TBCK: variants seen among roughly 807,000 people sequenced by gnomAD.
TBCK encodes the protein TBC domain-containing protein kinase-like protein.
TBCK carries 99 observed loss-of-function variants against 113.4 expected under a neutral mutation model. The observed-to-expected ratio is 0.87, with a 90% confidence interval of 0.74 to 1.03. TBCK has a LOEUF of 1.03. Ranked by LOEUF, TBCK falls within the 50% of genes least tolerant of loss-of-function variation. TBCK has a pLI of 0.00. For synonymous variants in TBCK, 369 were observed against 370.8 expected (o/e 1.00, Z 0.05); for missense variants, 1,045 against 1,061.3 (o/e 0.98, Z 0.21).
intron 3 of TBCK, among the ~76,000 whole-genome samples, chr4:106,294,667 G>C (rs977810341): frequency 2.6e-5 from 4 of 151,748 alleles, no homozygotes; most frequent in African/African-American, 7.3e-5. Flanking sequence ...ATTTTTAGTA[G>C]AGACAGGGTT....
intron 25 of TBCK, among the ~76,000 whole-genome samples, chr4:106,089,431 C>T (rs935049503): frequency 6.6e-6 from 1 of 152,150 alleles, no homozygotes; most frequent in Non-Finnish European, 1.5e-5. Flanking sequence ...ATCCAAACCA[C>T]ATCATTCTGC....
intron 21 of TBCK, 134 bp from the exon 22 acceptor site, chr4:106,193,904 C>T (rs1560797338): frequency 1.8e-6 from 1 of 568,554 alleles, no homozygotes; most frequent in East Asian, 3.3e-5. Context: ...CTACCAAACT[C>T]TTTTTATGAA....
At chr4:106,247,467 T>A in intron 9 of TBCK, 180 bp from the exon 10 acceptor site, 1 of 532,346 alleles carries the variant, frequency 1.9e-6, no homozygotes, top group Non-Finnish European at 3.2e-6. Context: ...TAACTGTGAG[T>A]AAATACTGAA....
chr4:106,053,797 G>A (rs1017535750), intron 25 of TBCK, among the ~76,000 whole-genome samples: 1 of 151,604 alleles, frequency 6.6e-6, no homozygotes, highest in Non-Finnish European at 1.5e-5. Context: ...CTCTCCTGAA[G>A]TCTTCCTTAT....
chr4:106,088,924 T>C (rs918548484), intron 25 of TBCK, among the ~76,000 whole-genome samples: 15 of 152,082 alleles, frequency 9.9e-5, no homozygotes, highest in African/African-American at 3.4e-4. Context: ...CCCATGGCTG[T>C]TGGGTGCTGG....
At chr4:106,212,025 GT>G (rs1308536913) in intron 20 of TBCK, among the ~76,000 whole-genome samples, 1 of 151,996 alleles carries the variant, frequency 6.6e-6, no homozygotes, top group African/African-American at 2.4e-5. Context: ...TACATTCACA[GT>G]GTTAAAAAAA....
intron 24 of TBCK, among the ~76,000 whole-genome samples, chr4:106,108,849 G>C (rs1030795349): frequency 2.6e-5 from 4 of 152,150 alleles, no homozygotes; most frequent in Non-Finnish European, 5.9e-5. Context: ...TCTATATCTA[G>C]AAAAACATGC....
intron 1 of TBCK, among the ~76,000 whole-genome samples, chr4:106,313,088 T>A (rs908779229): frequency 2.6e-5 from 4 of 152,192 alleles, no homozygotes; most frequent in Non-Finnish European, 5.9e-5. Flanking sequence ...AAATTTTATC[T>A]CACACAAAAT....
At chr4:106,109,909 T>C (rs1267236978) in intron 24 of TBCK, among the ~76,000 whole-genome samples, 4 of 152,168 alleles carry the variant, frequency 2.6e-5, no homozygotes, top group Non-Finnish European at 4.4e-5. Context: ...CAGGAGGTTT[T>C]ATAAAAGCTT....
chr4:106,086,373 C>A (rs956497467), intron 25 of TBCK, among the ~76,000 whole-genome samples: 7 of 152,158 alleles, frequency 4.6e-5, no homozygotes, highest in Admixed American at 1.3e-4. Context: ...CCTACCAAGA[C>A]TAAACCAGGA....
intron 25 of TBCK, among the ~76,000 whole-genome samples, chr4:106,086,782 G>A (rs191570107): frequency 1.3e-5 from 2 of 152,284 alleles, no homozygotes; most frequent in East Asian, 3.9e-4. Flanking sequence ...CTCAACAGAT[G>A]CAAATCGATA....
Position 106,244,129 on chromosome 4 carries a change from A to G in TBCK, c.1070+497T>C, listed in dbSNP as rs370329641. Among the ~76,000 whole-genome samples the G allele has an allele frequency of 3.3e-4, 51 of 152,286 alleles. No individual in the cohort carries two copies. In the East Asian group the frequency reaches 8.1e-3, roughly 24 times the overall value. On this transcript the variant is annotated intron_variant, in intron 11 of 25. Transcript: ENST00000394708. ...AACTTCCAGTCTAATTTCTAGCATG[A>G]TATCTTCTTATACAGTTAGGCAGAT...
At chr4:106,113,853 T>C (rs1026824263) in intron 24 of TBCK, among the ~76,000 whole-genome samples, 1 of 152,170 alleles carries the variant, frequency 6.6e-6, no homozygotes, top group Non-Finnish European at 1.5e-5. Flanking sequence ...GCCCATCTCT[T>C]AGATACGCCT....
intron 23 of TBCK, among the ~76,000 whole-genome samples, chr4:106,160,149 G>A (rs1049909030): frequency 1.3e-5 from 2 of 151,936 alleles, no homozygotes; most frequent in African/African-American, 4.8e-5. Context: ...AGACTTAAAT[G>A]TATGGCCAAA....
chr4:106,235,424 T>A, intron 14 of TBCK, 57 bp from the exon 15 acceptor site: 1 of 1,191,436 alleles, frequency 8.4e-7, no homozygotes, highest in African/African-American at 1.5e-5. Flanking sequence ...CATCTTTTAG[T>A]CTAGACAGTT....
At chr4:106,299,791 T>C (rs1766724896) in intron 2 of TBCK, among the ~76,000 whole-genome samples, 1 of 152,152 alleles carries the variant, frequency 6.6e-6, no homozygotes, top group Non-Finnish European at 1.5e-5. Context: ...ATCATCAATG[T>C]AGTAGCATTA....
intron 2 of TBCK, among the ~76,000 whole-genome samples, chr4:106,300,767 T>C (rs1766854310): frequency 6.6e-6 from 1 of 152,154 alleles, no homozygotes; most frequent in Non-Finnish European, 1.5e-5. Context: ...TCCTAGATAA[T>C]CAGGGTAATC....
chr4:106,064,112 C>T (rs1346847827), intron 25 of TBCK, among the ~76,000 whole-genome samples: 2 of 151,904 alleles, frequency 1.3e-5, no homozygotes, highest in African/African-American at 4.8e-5. Flanking sequence ...TCCAACCTAT[C>T]ATCTACAGAT....
chr4:106,093,108 A>G (rs1166281430), intron 25 of TBCK, among the ~76,000 whole-genome samples: 1 of 152,220 alleles, frequency 6.6e-6, no homozygotes, highest in South Asian at 2.1e-4. Context: ...CAGTTATATA[A>G]AAGATAGGTG....
Sources: allele counts gnomAD v4.1 joint callset (sites outside exome capture counted in the v4.1 genomes callset), GRCh38; gene constraint gnomAD v4.1.1; transcripts MANE v1.5; gene names NCBI Gene and HGNC (gene_info 2026-07-23, HGNC 2026-07-21).